Variants in LCLAT1 observed in about 807,000 individuals in gnomAD.
LCLAT1 encodes the protein 1-AGP acyltransferase 8.
In LCLAT1, 11 loss-of-function variants were observed where a neutral mutation model predicts 30.7. The observed-to-expected ratio is 0.36, with a 90% CI of 0.23 to 0.59. LCLAT1 has a LOEUF of 0.59. Ranked by LOEUF, LCLAT1 falls within the 20% of genes least tolerant of loss-of-function variation. The probability of loss-of-function intolerance (pLI) is 0.77; values close to 1 mark genes in which losing one functional copy is unlikely to be tolerated. For synonymous variants in LCLAT1, 155 were observed against 151.3 expected (o/e 1.02, Z -0.18); for missense variants, 402 against 458.6 (o/e 0.88, Z 1.13).
At chr2:30,552,034 A>C (rs139918151) in intron 3 of LCLAT1, among the ~76,000 whole-genome samples, 1 of 152,188 alleles carries the variant, frequency 6.6e-6, no homozygotes, top group African/African-American at 2.4e-5. Context: ...AGATGTGGAC[A>C]TCTTTTGGGG....
At chr2:30,596,508 A>ATTTG (rs1303327017) in intron 5 of LCLAT1, among the ~76,000 whole-genome samples, 5 of 151,404 alleles carry the variant, frequency 3.3e-5, no homozygotes, top group Admixed American at 6.6e-5. Flanking sequence ...TTTCTTGTAA[A>ATTTG]TTTGTTTAAG....
Position 30,522,167 on chromosome 2 carries a change from A to AGGG in LCLAT1, c.-4-3418_-4-3417insGGG, listed in dbSNP as rs572988890. Among the ~76,000 whole-genome samples, 148 of 152,266 alleles carry AGGG rather than the reference A, an allele frequency of 9.7e-4. 2 individuals carry two copies. The South Asian group carries it at 0.028, about 29-fold the overall frequency. ...AATGCTGCTGTGAATAATTACGTAT[A>AGGG]GGTTTTTGTGTGAATATACATTTTC... On this transcript the variant is annotated intron_variant, in intron 1 of 5. Transcript: ENST00000379509.
intron 5 of LCLAT1, among the ~76,000 whole-genome samples, chr2:30,590,860 C>T (rs750518632): frequency 3.3e-5 from 5 of 151,938 alleles, no homozygotes; most frequent in Admixed American, 6.6e-5. Context: ...GTACTAATAA[C>T]CAGCAAAGAA....
At chr2:30,447,881 C>G (rs924176176) in intron 1 of LCLAT1, among the ~76,000 whole-genome samples, 3 of 152,234 alleles carry the variant, frequency 2.0e-5, no homozygotes, top group African/African-American at 7.2e-5. Flanking sequence ...GGGTTGTCTT[C>G]CCTGCGAGTC....
intron 3 of LCLAT1, among the ~76,000 whole-genome samples, chr2:30,534,928 AT>A (rs1434752739): frequency 1.3e-5 from 2 of 152,328 alleles, no homozygotes; most frequent in East Asian, 3.9e-4. Flanking sequence ...CAGTAGCAAG[AT>A]TGATTCTACA....
At position 30,537,611 on chromosome 2, in the gene LCLAT1, G is replaced by A. The variant is rs1030508896; in HGVS notation, c.364+4297G>A. Among the ~76,000 whole-genome samples, 48 of 151,876 alleles carry A rather than the reference G, an allele frequency of 3.2e-4. 1 individual carries two copies. The highest frequency in any genetic ancestry group is 2.8e-3 in the Admixed American group (43 of 15,234). On this transcript the variant is annotated intron_variant, in intron 3 of 5. Transcript: ENST00000379509. ...AAATACTGTTAGATCTAAAGGGAGC[G>A]TTAGACCCCAATATAGTAATAGTTG...
intron 5 of LCLAT1, among the ~76,000 whole-genome samples, chr2:30,619,135 C>A (rs1668128727): frequency 6.6e-6 from 1 of 152,092 alleles, no homozygotes; most frequent in Non-Finnish European, 1.5e-5. Flanking sequence ...AGCATCTCTG[C>A]CCTAGTGAGC....
At position 30,640,134 on chromosome 2, in the gene LCLAT1, G is replaced by A; in HGVS notation, c.646G>A (p.Val216Ile). 1 of 1,612,532 alleles carries A rather than the reference G, an allele frequency of 6.2e-7. No homozygotes were observed. The highest frequency in any genetic ancestry group is 8.5e-7 in the Non-Finnish European group (1 of 1,179,438). The part of the protein sequence containing the change: ...RLREGKNLDA[V>I]HDITVAYPHN... The stretch of plus-strand genomic sequence containing the variant: ...AAACCCAGGTAAGAACCTTGATGCT[G>A]TCCATGATATCACTGTGGCGTATCC... Residue 216 changes from valine to isoleucine, a missense_variant, in exon 6 of 6, where the codon GTC (valine) becomes ATC (isoleucine). Val to Ile is a conservative substitution (Grantham distance 29). Coordinates refer to ENST00000379509, the MANE Select transcript of LCLAT1 (RefSeq NM_001002257.3).
intron 1 of LCLAT1, among the ~76,000 whole-genome samples, chr2:30,452,111 C>T (rs1297721830): frequency 6.6e-6 from 1 of 152,080 alleles, no homozygotes; most frequent in Non-Finnish European, 1.5e-5. Context: ...CATGAGGGAA[C>T]CTTCTGGCAA....
intron 1 of LCLAT1, among the ~76,000 whole-genome samples, chr2:30,496,713 A>G (rs183698751): frequency 1.9e-4 from 29 of 152,296 alleles, no homozygotes; most frequent in Admixed American, 2.0e-4. Context: ...TTATAAAGAT[A>G]TTATGGTCCT....
intron 1 of LCLAT1, among the ~76,000 whole-genome samples, chr2:30,469,436 A>G (rs1160972092): frequency 1.3e-5 from 2 of 152,256 alleles, no homozygotes; most frequent in East Asian, 3.9e-4. Context: ...TTTTGCATGT[A>G]GCTATCCAGT....
intron 2 of LCLAT1, among the ~76,000 whole-genome samples, chr2:30,532,357 A>G (rs927212905): frequency 6.6e-5 from 10 of 152,146 alleles, no homozygotes; most frequent in East Asian, 1.9e-4. Context: ...CTCTTTATTA[A>G]TAAGTCAAAT....
intron 1 of LCLAT1, among the ~76,000 whole-genome samples, chr2:30,474,098 A>G (rs1682931978): frequency 6.6e-6 from 1 of 152,258 alleles, no homozygotes; most frequent in Admixed American, 6.5e-5. Context: ...GAAGAAGGCA[A>G]ATGTTATACC....
intron 3 of LCLAT1, among the ~76,000 whole-genome samples, chr2:30,549,709 A>G (rs1010034588): frequency 6.6e-6 from 1 of 152,194 alleles, no homozygotes; most frequent in Non-Finnish European, 1.5e-5. Flanking sequence ...TCTTGGGGCT[A>G]AGTATCTGTA....
At chr2:30,558,522 C>T (rs1665039272) in intron 3 of LCLAT1, among the ~76,000 whole-genome samples, 1 of 149,436 alleles carries the variant, frequency 6.7e-6, no homozygotes, top group African/African-American at 2.5e-5. Flanking sequence ...TGCTTGAACC[C>T]AGGAGACGGA....
intron 1 of LCLAT1, among the ~76,000 whole-genome samples, chr2:30,522,028 A>G (rs944074685): frequency 5.3e-5 from 8 of 152,216 alleles, no homozygotes; most frequent in Non-Finnish European, 1.0e-4. Flanking sequence ...TGCATGGATC[A>G]GTAGTTTGTC....
chr2:30,636,932 G>A (rs116364250), intron 5 of LCLAT1, among the ~76,000 whole-genome samples: 10 of 152,296 alleles, frequency 6.6e-5, no homozygotes, highest in South Asian at 2.1e-4. Flanking sequence ...AAAGGAGATC[G>A]GTCAAGGCTG....
intron 5 of LCLAT1, among the ~76,000 whole-genome samples, chr2:30,572,244 T>TG (rs1665810073): frequency 1.3e-5 from 2 of 152,282 alleles, no homozygotes; most frequent in East Asian, 3.9e-4. Flanking sequence ...TTGTGTTTAG[T>TG]GAAAAAAGTC....
chr2:30,562,126 T>G lies in LCLAT1; in HGVS notation c.365-20T>G. 6.4e-7 allele frequency: 1 copy of G among 1,564,772 alleles called. No individual in the cohort carries two copies. The highest frequency in any genetic ancestry group is 8.7e-7 in the Non-Finnish European group (1 of 1,147,308). On this transcript the variant is annotated intron_variant, in intron 3 of 5. Coordinates refer to ENST00000379509, the MANE Select transcript of LCLAT1 (RefSeq NM_001002257.3). Reference sequence around the variant, plus strand: ...TGGCAATAAAATTATAGGTAAATTTTATTGTTAAATTGATTCTAGGTTGGG... The same window carrying G: ...TGGCAATAAAATTATAGGTAAATTTGATTGTTAAATTGATTCTAGGTTGGG...
Sources: allele counts gnomAD v4.1 joint callset (sites outside exome capture counted in the v4.1 genomes callset), GRCh38; gene constraint gnomAD v4.1.1; transcripts MANE v1.5; gene names NCBI Gene and HGNC (gene_info 2026-07-23, HGNC 2026-07-21).